HIPK2: variants seen among roughly 807,000 people sequenced by gnomAD.
The protein encoded by HIPK2 is homeodomain interacting protein kinase 2, also known as homeodomain-interacting protein kinase 2.
In HIPK2, 27 loss-of-function variants were observed where a neutral mutation model predicts 113.7. The ratio of observed to expected loss-of-function variants is 0.24; its 90% CI spans 0.17 to 0.33. The LOEUF (loss-of-function observed/expected upper bound fraction) is 0.33. Among genes scored for constraint, HIPK2 ranks in the 10% least tolerant of loss-of-function variants. HIPK2 has a pLI of 1.00. For synonymous variants in HIPK2, 631 were observed against 642.2 expected, an observed-to-expected ratio of 0.98 and a Z score of 0.26; for missense variants, 1,257 against 1,588.0, an observed-to-expected ratio of 0.79 and a Z score of 3.54.
chr7:139,682,572 T>G (rs868338915), intron 2 of HIPK2, among the ~76,000 whole-genome samples: 1 of 152,176 alleles, frequency 6.6e-6, no homozygotes, highest in South Asian at 2.1e-4. Flanking sequence ...CCGTAATGAC[T>G]GTGCTTGACT....
intron 2 of HIPK2, among the ~76,000 whole-genome samples, chr7:139,702,156 G>A (rs923524030): frequency 2.0e-5 from 3 of 152,294 alleles, no homozygotes; most frequent in East Asian, 1.9e-4. Context: ...AGACAGCGGC[G>A]GGAGAGGCTG....
At chr7:139,600,306 C>T (rs1162087605) in intron 11 of HIPK2, 111 bp downstream of exon 11, 13 of 1,236,342 alleles carry the variant, frequency 1.1e-5, no homozygotes, top group Non-Finnish European at 1.4e-5. Flanking sequence ...TGCCCCCATC[C>T]CATGCAACTG....
At chr7:139,595,089 G>T (rs1799155761) in intron 12 of HIPK2, among the ~76,000 whole-genome samples, 1 of 152,210 alleles carries the variant, frequency 6.6e-6, no homozygotes, top group Non-Finnish European at 1.5e-5. Context: ...GGGCACAGAT[G>T]TTGAGAGTCT....
At chr7:139,638,155 C>G (rs1046363361) in intron 2 of HIPK2, among the ~76,000 whole-genome samples, 63 of 152,154 alleles carry the variant, frequency 4.1e-4, no homozygotes, top group Admixed American at 2.0e-3. Context: ...CCTGCGCAGT[C>G]CCACTGCAGC....
At chr7:139,651,602 T>C (rs953853003) in intron 2 of HIPK2, among the ~76,000 whole-genome samples, 6 of 152,112 alleles carry the variant, frequency 3.9e-5, no homozygotes, top group African/African-American at 1.4e-4. Flanking sequence ...TCGTGACTCC[T>C]AGGAGAGAGG....
intron 13 of HIPK2, chr7:139,583,573 G>C (rs1798737801): frequency 5.6e-6 from 3 of 534,248 alleles, no homozygotes; most frequent in Admixed American, 3.4e-5. Context: ...GTTGGAAGCA[G>C]AGCCATTGTA....
intron 2 of HIPK2, among the ~76,000 whole-genome samples, chr7:139,682,782 A>G (rs1373659758): frequency 6.6e-6 from 1 of 152,158 alleles, no homozygotes; most frequent in African/African-American, 2.4e-5. Context: ...AACAGAGGGG[A>G]CAGAAGGCGC....
chr7:139,623,776 G>C (rs932163129), intron 6 of HIPK2, among the ~76,000 whole-genome samples: 3 of 152,052 alleles, frequency 2.0e-5, no homozygotes, highest in Non-Finnish European at 4.4e-5. Context: ...GTCCAGCCTT[G>C]AGACCCAGCC....
chr7:139,742,783 T>C (rs1569483938), intron 1 of HIPK2, among the ~76,000 whole-genome samples: 1 of 152,218 alleles, frequency 6.6e-6, no homozygotes, highest in Non-Finnish European at 1.5e-5. Context: ...TATAAAAGAC[T>C]TGCACATCTA....
At chr7:139,653,949 T>C (rs971880027) in intron 2 of HIPK2, among the ~76,000 whole-genome samples, 1 of 152,098 alleles carries the variant, frequency 6.6e-6, no homozygotes, top group African/African-American at 2.4e-5. Context: ...GCCAGGCTGG[T>C]CTCAAACTCC....
chr7:139,738,231 G>C (rs1386007373), intron 1 of HIPK2, among the ~76,000 whole-genome samples: 2 of 152,232 alleles, frequency 1.3e-5, no homozygotes, highest in East Asian at 1.9e-4. Context: ...TAAAAATATT[G>C]TATCAGTGTT....
chr7:139,649,953 G>C (rs930895583), intron 2 of HIPK2, among the ~76,000 whole-genome samples: 12 of 152,094 alleles, frequency 7.9e-5, no homozygotes, highest in African/African-American at 2.9e-4. Context: ...GTACACCTCA[G>C]TCTATCGCTT....
intron 1 of HIPK2, among the ~76,000 whole-genome samples, chr7:139,741,781 C>T (rs1019279435): frequency 3.9e-5 from 6 of 152,232 alleles, no homozygotes. Context: ...ATGATCACCA[C>T]CATTCACGTT....
At chr7:139,711,462 A>AT (rs2116919568) in intron 2 of HIPK2, among the ~76,000 whole-genome samples, 1 of 152,208 alleles carries the variant, frequency 6.6e-6, no homozygotes, top group African/African-American at 2.4e-5. Flanking sequence ...GAAAAAGTGG[A>AT]TTATTTGCTA....
intron 1 of HIPK2, among the ~76,000 whole-genome samples, chr7:139,757,901 T>C (rs1411144877): frequency 6.6e-6 from 1 of 152,198 alleles, no homozygotes; most frequent in Admixed American, 6.5e-5. Flanking sequence ...AGTCCTCATA[T>C]GCAAACAAGA....
intron 1 of HIPK2, among the ~76,000 whole-genome samples, chr7:139,731,543 G>A (rs1382562485): frequency 7.2e-5 from 11 of 152,140 alleles, no homozygotes; most frequent in Admixed American, 7.2e-4. Flanking sequence ...CAGGACAAAG[G>A]GCCGCCAAAT....
At chr7:139,761,993 C>G (rs1796473311) in intron 1 of HIPK2, among the ~76,000 whole-genome samples, 1 of 151,960 alleles carries the variant, frequency 6.6e-6, no homozygotes, top group Non-Finnish European at 1.5e-5. Context: ...TTTTGCTTGC[C>G]TTTATTTTCT....
At position 139,596,843 on chromosome 7, in the gene HIPK2, G is replaced by A. The variant is rs1164613579; in HGVS notation, c.2591C>T (p.Ser864Phe). 1 of 1,613,982 alleles carries A rather than the reference G, an allele frequency of 6.2e-7. No individual in the cohort carries two copies. Among genetic ancestry groups the A allele is most frequent in the East Asian group, 2.2e-5 (1 of 44,886 alleles). The stretch of plus-strand genomic sequence containing the variant: ...CCGCTGCCGTTCCCGGGTGGTGCTG[G>A]AGGCCACGTCGCCCCACCCACAGGT... ...SVTCGWGDVA[S>F]STTRERQRQT... The change falls in exon 12 of 15, where the codon TCC becomes TTC. Residue 864 changes from serine (S) to phenylalanine (F), a missense_variant. Physicochemically the swap from Ser to Phe is radical, Grantham distance 155. Around this residue, in one of 5 missense-constraint regions of HIPK2, gnomAD observed 862 missense variants for 1,004.3 expected, o/e 0.86. Coordinates refer to ENST00000406875, the MANE Select transcript of HIPK2 (RefSeq NM_022740.5).
At chr7:139,575,319 G>A in intron 13 of HIPK2, 31 bp from the exon 14 acceptor site, 1 of 1,540,176 alleles carries the variant, frequency 6.5e-7, no homozygotes, top group Non-Finnish European at 8.8e-7. Context: ...GGTCAGATCA[G>A]TGGCAGGGTC....
Sources: gnomAD v4.1 joint callset for allele counts (sites outside exome capture counted in the v4.1 genomes callset) on GRCh38, gnomAD v4.1.1 for gene constraint, gnomAD v4.1.1 regional missense constraint, MANE v1.5 for transcripts, NCBI Gene and HGNC (gene_info 2026-07-23, HGNC 2026-07-21) for gene names.